STAU2: variants seen among roughly 807,000 people sequenced by gnomAD.
STAU2 encodes double-stranded RNA-binding protein Staufen homolog 2.
A neutral mutation model predicts 65.9 loss-of-function variants in STAU2; 20 were observed. That is an observed-to-expected ratio of 0.30 (90% confidence interval 0.21 to 0.44). The LOEUF is 0.44. Among genes scored for constraint, STAU2 ranks in the 20% least tolerant of loss-of-function variants. The pLI is 1.00. For synonymous variants in STAU2, 232 were observed against 233.9 expected (o/e 0.99, Z 0.07); for missense variants, 558 against 683.9 (o/e 0.82, Z 2.05).
At chr8:73,672,227 T>C (rs766126842) in intron 6 of STAU2, 5 of 152,130 alleles carry the variant, frequency 3.3e-5, no homozygotes, top group African/African-American at 4.8e-5. Context: ...AAAATCATTA[T>C]ACAAAGTAAA....
intron 6 of STAU2, among the ~76,000 whole-genome samples, chr8:73,649,868 TTTA>T (rs1231734409): frequency 4.3e-5 from 2 of 46,558 alleles, no homozygotes; most frequent in Non-Finnish European, 1.0e-4. Flanking sequence ...TCTATATAAT[TTTA>T]TATATATATA....
intron 12 of STAU2, among the ~76,000 whole-genome samples, chr8:73,557,753 T>G (rs1217755287): frequency 1.3e-5 from 2 of 152,192 alleles, no homozygotes; most frequent in African/African-American, 4.8e-5. Context: ...ACCACTACAC[T>G]TCCCTCGCTC....
At chr8:73,499,008 G>A (rs1388580745) in intron 13 of STAU2, among the ~76,000 whole-genome samples, 1 of 151,776 alleles carries the variant, frequency 6.6e-6, no homozygotes, top group African/African-American at 2.4e-5. Context: ...TCAGTTGAAG[G>A]CCTTAAGAGC....
Position 73,719,088 on chromosome 8 carries a change from C to T in STAU2, c.-17-9926G>A, listed in dbSNP as rs115429757. On this transcript the variant is annotated intron_variant, in intron 3 of 14. Transcript: ENST00000524300. The stretch of plus-strand genomic sequence containing the variant: ...AACGGAACTGGTTAAAGTGGACATC[C>T]CGTCTTCTTTTTTTAAAATAAGTGT... 4.1e-3 allele frequency among the ~76,000 whole-genome samples: 631 copies of T among 152,266 alleles called. 7 individuals are homozygous for T. Among genetic ancestry groups the T allele is most frequent in the African/African-American group, 0.015 (607 of 41,546 alleles).
At chr8:73,708,077 T>C (rs1489826787) in intron 4 of STAU2, among the ~76,000 whole-genome samples, 1 of 151,124 alleles carries the variant, frequency 6.6e-6, no homozygotes, top group Non-Finnish European at 1.5e-5. Flanking sequence ...AGACCAAGGC[T>C]ACAACTATTT....
At chr8:73,546,533 T>G (rs1310944337) in intron 13 of STAU2, among the ~76,000 whole-genome samples, 4 of 152,162 alleles carry the variant, frequency 2.6e-5, no homozygotes, top group Non-Finnish European at 5.9e-5. Context: ...GATATGTGAG[T>G]CCATCAATAA....
chr8:73,741,326 A>C (rs80167664), intron 1 of STAU2, among the ~76,000 whole-genome samples: 13,953 of 149,076 alleles, frequency 0.094, 926 homozygotes, highest in African/African-American at 0.18. Context: ...AATTAACATT[A>C]TTAAGCATTC....
At chr8:73,686,745 A>G (rs973142468) in intron 5 of STAU2, among the ~76,000 whole-genome samples, 2 of 152,008 alleles carry the variant, frequency 1.3e-5, no homozygotes, top group African/African-American at 4.8e-5. Flanking sequence ...ATAAAAAAAA[A>G]AAGATAATGA....
rs139674038 is a variant in STAU2 at position 73,626,935 on chromosome 8, C to G, written c.411-9484G>C. Among the ~76,000 whole-genome samples, 39 of 152,092 alleles carry G rather than the reference C, an allele frequency of 2.6e-4. No individual in the cohort carries two copies. In the South Asian group the frequency reaches 6.9e-3, roughly 27 times the overall value. On this transcript the variant is annotated intron_variant, in intron 6 of 14. Transcript: ENST00000524300. ...CAAAGTCTTCAGGTGCTAAAGGACA[C>G]CACCCTATTTCTTGCCCTCCTGGTG...
chr8:73,572,179 AC>A (rs1809150627), intron 12 of STAU2, among the ~76,000 whole-genome samples: 3 of 152,240 alleles, frequency 2.0e-5, no homozygotes, highest in South Asian at 4.1e-4. Context: ...GGACACATAC[AC>A]CCTCCTAAGA....
At chr8:73,534,738 C>T (rs1806071999) in intron 13 of STAU2, among the ~76,000 whole-genome samples, 1 of 152,216 alleles carries the variant, frequency 6.6e-6, no homozygotes, top group Admixed American at 6.5e-5. Context: ...CAGTCCTTTC[C>T]ATAACTAACA....
chr8:73,447,153 C>T (rs547843368), intron 13 of STAU2, among the ~76,000 whole-genome samples: 4 of 152,196 alleles, frequency 2.6e-5, no homozygotes, highest in South Asian at 4.2e-4. Context: ...ACCGTATTGG[C>T]CAGGCTGGTC....
At chr8:73,612,034 T>C (rs1017619085) in intron 9 of STAU2, among the ~76,000 whole-genome samples, 1 of 152,168 alleles carries the variant, frequency 6.6e-6, no homozygotes, top group Non-Finnish European at 1.5e-5. Context: ...CTTAGTTTAA[T>C]AGAGCAGACA....
intron 3 of STAU2, among the ~76,000 whole-genome samples, chr8:73,737,651 C>T (rs1467983452): frequency 6.6e-6 from 1 of 151,276 alleles, no homozygotes; most frequent in African/African-American, 2.4e-5. Flanking sequence ...GATCCTCCCA[C>T]CTCACCTCAG....
At chr8:73,559,050 T>C (rs924052228) in intron 12 of STAU2, among the ~76,000 whole-genome samples, 2 of 152,208 alleles carry the variant, frequency 1.3e-5, no homozygotes, top group Admixed American at 6.5e-5. Flanking sequence ...CTGTCTCTAG[T>C]GATTTTTAAA....
chr8:73,720,499 C>CTTTTTTT lies in STAU2; in HGVS notation c.-17-11344_-17-11338dup, dbSNP rs1174035145. On this transcript the variant is annotated intron_variant, in intron 3 of 14. Coordinates refer to ENST00000524300, the MANE Select transcript of STAU2 (RefSeq NM_001164380.2). ...GTTGTCATTTAGTTTAAAATACTTT[C>CTTTTTTT]TTTTTTTTTTTTTTTTTTTTTTTTG... 8.6e-3 allele frequency among the ~76,000 whole-genome samples: 336 copies of CTTTTTTT among 39,096 alleles called. 80 individuals carry two copies. Among genetic ancestry groups the CTTTTTTT allele is most frequent in the East Asian group, 0.04 (21 of 520 alleles). The allele number at this position is 39,096 out of a possible 152,430, so 25.6% of individuals were successfully genotyped here. A position where few individuals can be genotyped will look rare whatever the true frequency, so the allele number is the denominator to read the frequency against.
intron 6 of STAU2, among the ~76,000 whole-genome samples, chr8:73,657,339 C>G (rs550027116): frequency 1.3e-5 from 2 of 151,972 alleles, no homozygotes; most frequent in East Asian, 3.9e-4. Context: ...AAATTAATAA[C>G]AAAATTTTAA....
rs908182644 is a variant in STAU2 at position 73,742,271 on chromosome 8, G to C, written c.-196-2403C>G. 3.2e-5 allele frequency: 31 copies of C among 983,498 alleles called. No homozygotes were observed. In the Admixed American group the frequency reaches 4.3e-4, roughly 14 times the overall value. 60.9% of individuals were successfully genotyped at this position (983,498 alleles called of 1,614,324 possible). A position where few individuals can be genotyped will look rare whatever the true frequency, so the allele number is the denominator to read the frequency against. On this transcript the variant is annotated intron_variant, in intron 1 of 14. Coordinates refer to ENST00000524300, the MANE Select transcript of STAU2 (RefSeq NM_001164380.2). Reference sequence around the variant, plus strand: ...TCCTCAGCTGGGTGTGGTGGCTCACGCCTGTAATCCCAGCACTTTTGGAGT... The same window carrying C: ...TCCTCAGCTGGGTGTGGTGGCTCACCCCTGTAATCCCAGCACTTTTGGAGT...
intron 1 of STAU2, among the ~76,000 whole-genome samples, chr8:73,741,198 G>C (rs183208668): frequency 0.055 from 8,232 of 149,260 alleles, 429 homozygotes; most frequent in Admixed American, 0.16. Context: ...CCAGCTACTC[G>C]GGAGGCTGAG....
Sources: gnomAD v4.1 joint callset for allele counts (sites outside exome capture counted in the v4.1 genomes callset) on GRCh38, gnomAD v4.1.1 for gene constraint, MANE v1.5 for transcripts, NCBI Gene and HGNC (gene_info 2026-07-23, HGNC 2026-07-21) for gene names.